Variants in CHD5 observed in about 807,000 individuals in gnomAD.
CHD5 encodes ATP-dependent chromatin remodeler CHD5.
A neutral mutation model predicts 230.3 loss-of-function variants in CHD5; 69 were observed. That is an observed-to-expected ratio of 0.30 (90% CI 0.25 to 0.37). The LOEUF (loss-of-function observed/expected upper bound fraction) is 0.37. Ranked by LOEUF, CHD5 falls within the 10% of genes least tolerant of loss-of-function variation. The pLI, the probability that CHD5 is intolerant of heterozygous loss-of-function variation, is 1.00. For synonymous variants in CHD5, 1,064 were observed against 1,065.9 expected (o/e 1.00, Z 0.03); for missense variants, 1,827 against 2,622.8 (o/e 0.70, Z 6.63).
chr1:6,143,386 G>A (rs149854483), intron 13 of CHD5, among the ~76,000 whole-genome samples: 1 of 152,146 alleles, frequency 6.6e-6, no homozygotes, highest in Non-Finnish European at 1.5e-5. Flanking sequence ...TCCTCCCAAT[G>A]GACCAGGCCC....
In CHD5 at chr1:6,102,338, A is replaced by T. The variant is rs1666076644; in HGVS notation, c.*3136T>A. 1 of 157,020 alleles carries T rather than the reference A, an allele frequency of 6.4e-6. No individual in the cohort carries two copies. The highest frequency in any genetic ancestry group is 2.4e-5 in the African/African-American group (1 of 41,438). 9.7% of individuals were successfully genotyped at this position (157,020 alleles called of 1,614,324 possible). On this transcript the variant is annotated 3_prime_UTR_variant, in exon 42 of 42. Transcript: ENST00000262450. ...CACCACAACCTGTAAACTTTCAGACACAGAAAACAGGACAGGAACCAGCTG... is the reference window on the plus strand; with the variant it reads ...CACCACAACCTGTAAACTTTCAGACTCAGAAAACAGGACAGGAACCAGCTG...
At chr1:6,162,082 T>C (rs1667187767) in intron 2 of CHD5, among the ~76,000 whole-genome samples, 1 of 152,128 alleles carries the variant, frequency 6.6e-6, no homozygotes, top group Non-Finnish European at 1.5e-5. Flanking sequence ...CCAGGGAGAC[T>C]GTAAGAAAAT....
chr1:6,149,394 T>C lies in CHD5; in HGVS notation c.1013A>G (p.Tyr338Cys), dbSNP rs1666963848. Residue 338 changes from tyrosine (Y) to cysteine (C), a missense_variant, in exon 8 of 42, where the codon TAT becomes TGT. By Grantham distance (194) the Tyr-to-Cys change is radical (BLOSUM62 -2). Transcript: ENST00000262450. ...ACAGTAATCCTGGTGGTCTGTCTCA[T>C]AGCCGTCACCATCATCAACTAGGGT... ...KKKRIDDGDG[Y>C]ETDHQDYCEV... The C allele has an allele frequency of 3.1e-6, 5 of 1,610,620 alleles. No homozygotes were observed. The highest frequency in any genetic ancestry group is 1.3e-5 in the African/African-American group (1 of 74,712).
intron 3 of CHD5, among the ~76,000 whole-genome samples, chr1:6,156,346 G>A (rs1440202361): frequency 6.6e-6 from 1 of 152,106 alleles, no homozygotes; most frequent in Non-Finnish European, 1.5e-5. Context: ...AGACCAGCCG[G>A]GCCAACATGC....
rs535917743 is a variant in CHD5, at chr1:6,138,640, C to T, written c.2437-1775G>A. Among the ~76,000 whole-genome samples, 9 of 152,312 alleles carry T rather than the reference C, an allele frequency of 5.9e-5. No homozygotes were observed. In the South Asian group the frequency reaches 1.4e-3, roughly 25 times the overall value. ...CTGGGTTTGCACACAATCTTTTAGCCGAGCATCGGTCTCCTCGCCTATCTA... is the reference window on the plus strand; with the variant it reads ...CTGGGTTTGCACACAATCTTTTAGCTGAGCATCGGTCTCCTCGCCTATCTA... On this transcript the variant is annotated intron_variant, in intron 15 of 41. Transcript: ENST00000262450.
At position 6,142,480 on chromosome 1, in the gene CHD5, C is replaced by G. The variant is rs1187216313; in HGVS notation, c.2169G>C (p.Leu723=). Residue 723 remains leucine, a synonymous_variant, in exon 14 of 42, where the codon CTG becomes CTC. Coordinates refer to ENST00000262450, the MANE Select transcript of CHD5 (RefSeq NM_015557.3). This position sits in a 1 kb window ranked among gnomAD's most constrained non-coding sequence, Gnocchi z 5.2. ...FSWAQGTDTI[L]ADEMGLGKTV... The stretch of plus-strand genomic sequence containing the variant: ...TCTTGCCCAGACCCATCTCATCGGC[C>G]AGGATGGTGTCAGTGCCCTGGGCCC... 1.9e-6 allele frequency: 3 copies of G among 1,614,062 alleles called. No individual in the cohort carries two copies. In the African/African-American group the frequency reaches 4.0e-5, roughly 22 times the overall value.
chr1:6,137,105 G>C (rs2495521), intron 15 of CHD5, among the ~76,000 whole-genome samples: 60,243 of 151,392 alleles, frequency 0.4, 12,873 homozygotes, highest in East Asian at 0.8. Flanking sequence ...AAACGGCCTC[G>C]GCTTGTAACA....
At chr1:6,175,504 G>A (rs973605814) in intron 1 of CHD5, among the ~76,000 whole-genome samples, 4 of 149,732 alleles carry the variant, frequency 2.7e-5, no homozygotes, top group African/African-American at 1.0e-4. Context: ...AAGCATGAAT[G>A]GTGGATGGGC....
rs370460601 is a variant in CHD5, at chr1:6,159,440, G to T, written c.283C>A (p.Pro95Thr). 23 of 1,582,320 alleles carry T rather than the reference G, an allele frequency of 1.5e-5. No individual in the cohort carries two copies. The highest frequency in any genetic ancestry group is 1.8e-5 in the Admixed American group (1 of 56,546). Residue 95 changes from proline (P) to threonine (T), a missense_variant, in exon 3 of 42, where the codon CCG becomes ACG. Around this residue, in one of 14 missense-constraint regions of CHD5, gnomAD observed 657 missense variants for 816.4 expected, o/e 0.80. Coordinates refer to ENST00000262450, the MANE Select transcript of CHD5 (RefSeq NM_015557.3). ...AGTTTCTTCTTCTTCTTTTTATTCGGGGAGTAGTCACTGCCTTCACTCTCC... is the reference window on the plus strand; with the variant it reads ...AGTTTCTTCTTCTTCTTTTTATTCGTGGAGTAGTCACTGCCTTCACTCTCC... ...KSESEGSDYSPNKKKKKKLKD... is the reference protein window; with the variant it reads ...KSESEGSDYSTNKKKKKKLKD...
intron 2 of CHD5, 98 bp downstream of exon 2, chr1:6,168,052 C>T: frequency 3.6e-6 from 5 of 1,402,302 alleles, no homozygotes; most frequent in Non-Finnish European, 4.8e-6. Context: ...AACCCTCAAA[C>T]TCCAAGGTCC....
rs544016852 is a variant in CHD5, at chr1:6,146,475, T to C, written c.1591-52A>G. 1.2e-5 allele frequency: 18 copies of C among 1,545,126 alleles called. No homozygotes were observed. Among genetic ancestry groups the C allele is most frequent in the East Asian group, 6.8e-5 (3 of 44,434 alleles). ...AGAAGGGAGATGGGCCATGGTCCCC[T>C]GCATCTCCCTACCCAGCTCCTCTAG... On this transcript the variant is annotated intron_variant, in intron 10 of 41. Transcript: ENST00000262450. The surrounding 1 kb of genome is among the most constrained non-coding windows in gnomAD (Gnocchi z 5.1).
chr1:6,154,248 GCCT>G lies in CHD5; in HGVS notation c.745+409_745+411del, dbSNP rs1006540995. ...AGAAGAAGAGACGGGCTCGACTGGGGCCTCCTCCTCCTCCCCAGAAACGGCACA... is the reference window on the plus strand; with the variant it reads ...AGAAGAAGAGACGGGCTCGACTGGGGCCTCCTCCTCCCCAGAAACGGCACA... On this transcript the variant is annotated intron_variant, in intron 5 of 41. Coordinates refer to ENST00000262450, the MANE Select transcript of CHD5 (RefSeq NM_015557.3). This position sits in a 1 kb window ranked among gnomAD's most constrained non-coding sequence, Gnocchi z 7.0. Among the ~76,000 whole-genome samples, 22 of 152,214 alleles carry G rather than the reference GCCT, an allele frequency of 1.4e-4. No homozygotes were observed. The highest frequency in any genetic ancestry group is 5.3e-4 in the African/African-American group (22 of 41,532).
At position 6,154,761 on chromosome 1, in the gene CHD5, G is replaced by A. The variant is rs1385833924; in HGVS notation, c.644C>T (p.Ala215Val). Residue 215 changes from alanine (A) to valine (V), a missense_variant, in exon 5 of 42, where the codon GCG (alanine) becomes GTG (valine). Coordinates refer to ENST00000262450, the MANE Select transcript of CHD5 (RefSeq NM_015557.3). The surrounding 1 kb of genome is among the most constrained non-coding windows in gnomAD (Gnocchi z 7.0). Reference sequence around the variant, plus strand: ...GGAGATGGTGACCGTCTCTACAGCCGCAGCCACCGCCGCCGCCGCTGCTGC... The same window carrying A: ...GGAGATGGTGACCGTCTCTACAGCCACAGCCACCGCCGCCGCCGCTGCTGC... Reference protein sequence around the residue: ...SAAAAAAAVAAAVETVTISPP... With the variant: ...SAAAAAAAVAVAVETVTISPP... 47 of 1,611,968 alleles carry A rather than the reference G, an allele frequency of 2.9e-5. No homozygotes were observed. Among genetic ancestry groups the A allele is most frequent in the Middle Eastern group, 3.4e-4 (2 of 5,902 alleles).
intron 38 of CHD5, 130 bp downstream of exon 38, chr1:6,109,665 G>A (rs1478582312): frequency 2.6e-6 from 2 of 771,616 alleles, no homozygotes; most frequent in Non-Finnish European, 4.3e-6. Flanking sequence ...TGGCCCAGAA[G>A]TCCACCGCCC....
chr1:6,106,639 C>A lies in CHD5; in HGVS notation c.5719G>T (p.Ala1907Ser), dbSNP rs1054235000. The A allele has an allele frequency of 6.3e-6, 10 of 1,592,070 alleles. No homozygotes were observed. Among genetic ancestry groups the A allele is most frequent in the Non-Finnish European group, 8.5e-6 (10 of 1,169,876 alleles). Reference sequence around the variant, plus strand: ...ACCTGCTGGATGGTGGGGTCCCCGGCGCGGTTGGTCAGGCGGCTCAGGATG... The same window carrying A: ...ACCTGCTGGATGGTGGGGTCCCCGGAGCGGTTGGTCAGGCGGCTCAGGATG... ...RSILSRLTNR[A>S]GDPTIQQGAF... Residue 1907 changes from alanine (A) to serine (S), a missense_variant, in exon 39 of 42, where the codon GCC (alanine) becomes TCC (serine). Ala to Ser is a moderately conservative substitution (Grantham distance 99). Transcript: ENST00000262450.
intron 3 of CHD5, among the ~76,000 whole-genome samples, chr1:6,158,956 G>A (rs1200031674): frequency 2.3e-5 from 3 of 127,920 alleles, no homozygotes; most frequent in Admixed American, 2.3e-4. Flanking sequence ...GCAGTGAGCC[G>A]AGATCCCGCC....
rs771401780 is a variant in CHD5, at chr1:6,168,164, G to A, written c.193C>T (p.Arg65Trp). Residue 65 changes from arginine (R) to tryptophan (W), a missense_variant, in exon 2 of 42, where the codon CGG becomes TGG. Around this residue, in one of 14 missense-constraint regions of CHD5, gnomAD observed 113 missense variants for 91.9 expected, o/e 1.23. Coordinates refer to ENST00000262450, the MANE Select transcript of CHD5 (RefSeq NM_015557.3). ...CTGCCCCTCACCTCTTTCTTCTTCC[G>A]CTTCCCTTTACACTTGTTTTCCTTG... ...KLKENKCKGK[R>W]KKKEGSNDEL... is the part of the protein sequence containing the mutation. 1.6e-5 allele frequency: 26 copies of A among 1,605,010 alleles called. No individual in the cohort carries two copies. Among genetic ancestry groups the A allele is most frequent in the Middle Eastern group, 1.7e-4 (1 of 5,938 alleles).
In CHD5 at chr1:6,134,327, G is replaced by A; in HGVS notation, c.3013-68C>T. On this transcript the variant is annotated intron_variant, in intron 19 of 41. Coordinates refer to ENST00000262450, the MANE Select transcript of CHD5 (RefSeq NM_015557.3). The surrounding 1 kb of genome is among the most constrained non-coding windows in gnomAD (Gnocchi z 6.3). ...TCCTCTCTGACTCTGCACCAAAGGG[G>A]CCGCAGGGAACAGACAAGTGCTGAG... The A allele has an allele frequency of 2.5e-6, 4 of 1,570,362 alleles. No individual in the cohort carries two copies. Among genetic ancestry groups the A allele is most frequent in the Non-Finnish European group, 2.6e-6 (3 of 1,154,398 alleles).
chr1:6,118,993 C>T (rs981532117), intron 33 of CHD5, among the ~76,000 whole-genome samples: 1 of 151,454 alleles, frequency 6.6e-6, no homozygotes, highest in African/African-American at 2.4e-5. Context: ...CTACCATGCC[C>T]GACCTGAATG....
Sources: gnomAD v4.1 joint callset for allele counts (sites outside exome capture counted in the v4.1 genomes callset) on GRCh38, gnomAD v4.1.1 for gene constraint, gnomAD v4.1.1 regional missense constraint, Gnocchi (gnomAD v3.1) non-coding constraint, MANE v1.5 for transcripts, NCBI Gene and HGNC (gene_info 2026-07-23, HGNC 2026-07-21) for gene names.